The following FRMPD4 variants were observed in gnomAD, a reference collection of about 807,000 sequenced individuals.
FRMPD4 encodes FERM and PDZ domain-containing protein 4.
FRMPD4 carries 22 observed loss-of-function variants against 94.1 expected under a neutral mutation model. The ratio of observed to expected loss-of-function variants is 0.23; its 90% CI spans 0.17 to 0.33. The LOEUF (loss-of-function observed/expected upper bound fraction) is 0.33. Ranked by LOEUF, FRMPD4 falls within the 10% of genes least tolerant of loss-of-function variation. The pLI is 1.00. For missense variants in FRMPD4, 1,111 were observed against 1,339.9 expected (o/e 0.83, Z 2.67); for synonymous variants, 631 against 548.6 (o/e 1.15, Z -2.10).
intron 2 of FRMPD4, among the ~76,000 whole-genome samples, chrX:11,876,758 C>A (rs923581848): frequency 8.9e-6 from 1 of 112,368 alleles, no homozygotes; most frequent in Non-Finnish European, 1.9e-5. Flanking sequence ...GTTTACCTAC[C>A]ATTTGTCTTT....
chrX:12,007,099 GGGCCCA>G (rs2054557800), intron 3 of FRMPD4, among the ~76,000 whole-genome samples: 1 of 111,582 alleles, frequency 9.0e-6, no homozygotes, highest in African/African-American at 3.3e-5. Context: ...GTCAGTTTCT[GGGCCCA>G]GACCTCAAGA....
At chrX:12,049,558 G>A (rs2054805305) in intron 3 of FRMPD4, among the ~76,000 whole-genome samples, 1 of 111,366 alleles carries the variant, frequency 9.0e-6, no homozygotes, top group African/African-American at 3.3e-5. Context: ...TATGACGGTG[G>A]TCCTATAAGA....
At chrX:12,344,961 G>A (rs892959764) in intron 1 of FRMPD4, among the ~76,000 whole-genome samples, 1 of 112,344 alleles carries the variant, frequency 8.9e-6, no homozygotes, top group East Asian at 2.8e-4. Context: ...CTTTTTGTTT[G>A]TTTGTTCAAA....
At chrX:12,110,291 G>T (rs183392727) in intron 3 of FRMPD4, among the ~76,000 whole-genome samples, 125 of 112,075 alleles carry the variant, frequency 1.1e-3, no homozygotes, top group African/African-American at 3.9e-3. Context: ...ACTTAATCCA[G>T]CATATAAACA....
intron 1 of FRMPD4, among the ~76,000 whole-genome samples, chrX:12,360,968 A>AAC (rs1451277278): frequency 4.6e-5 from 5 of 109,624 alleles, no homozygotes; most frequent in Non-Finnish European, 7.6e-5. Context: ...AAAAAAAAAA[A>AAC]AAAAAACGGT....
At chrX:12,231,030 G>GTATATATATATAT (rs2056994149) in intron 1 of FRMPD4, among the ~76,000 whole-genome samples, 5 of 26,387 alleles carry the variant, frequency 1.9e-4, no homozygotes, top group Middle Eastern at 0.019. Flanking sequence ...TATATATATA[G>GTATATATATATAT]TATATATATA....
At chrX:12,273,100 T>G (rs1207929875) in intron 1 of FRMPD4, among the ~76,000 whole-genome samples, 2 of 108,918 alleles carry the variant, frequency 1.8e-5, no homozygotes, top group African/African-American at 3.3e-5. Context: ...GAAAAAAAAA[T>G]AACTGTCACT....
At chrX:12,241,973 G>C (rs2053883340) in intron 1 of FRMPD4, among the ~76,000 whole-genome samples, 1 of 102,941 alleles carries the variant, frequency 9.7e-6, no homozygotes, top group South Asian at 4.4e-4. Flanking sequence ...GGAGGAGGAA[G>C]AGGAAGAGGA....
chrX:12,413,747 G>C (rs2056764650), intron 1 of FRMPD4, among the ~76,000 whole-genome samples: 2 of 112,133 alleles, frequency 1.8e-5, no homozygotes, highest in African/African-American at 6.5e-5. Flanking sequence ...CTGGAACATT[G>C]TGGGGCAGCC....
At chrX:11,927,120 C>A (rs1275529812) in intron 3 of FRMPD4, among the ~76,000 whole-genome samples, 1 of 109,043 alleles carries the variant, frequency 9.2e-6, no homozygotes, top group African/African-American at 3.3e-5. Flanking sequence ...CAAGCCAAAT[C>A]AGGAACATAG....
At chrX:12,417,388 G>A (rs1301059554) in intron 1 of FRMPD4, among the ~76,000 whole-genome samples, 1 of 109,029 alleles carries the variant, frequency 9.2e-6, no homozygotes, top group Non-Finnish European at 1.9e-5. Flanking sequence ...AGACCAGCCT[G>A]GCCAACATGG....
intron 3 of FRMPD4, among the ~76,000 whole-genome samples, chrX:12,010,166 C>A (rs2054574106): frequency 9.0e-6 from 1 of 111,514 alleles, no homozygotes; most frequent in South Asian, 3.8e-4. Context: ...GTTGTGTGAC[C>A]ATAGGCAAGT....
At chrX:11,899,565 G>A (rs1047554969) in intron 3 of FRMPD4, among the ~76,000 whole-genome samples, 2 of 111,290 alleles carry the variant, frequency 1.8e-5, no homozygotes, top group East Asian at 5.6e-4. Flanking sequence ...TAGACGCTGA[G>A]TCCCCAATAA....
chrX:12,056,207 A>G (rs759232581), intron 3 of FRMPD4, among the ~76,000 whole-genome samples: 27 of 112,218 alleles, frequency 2.4e-4, no homozygotes, highest in Non-Finnish European at 3.6e-4. Context: ...AAAAATCAGA[A>G]TAGGAGAAAA....
At chrX:12,471,101 A>G (rs1014819157) in intron 1 of FRMPD4, among the ~76,000 whole-genome samples, 4 of 112,448 alleles carry the variant, frequency 3.6e-5, no homozygotes, top group African/African-American at 1.3e-4. Flanking sequence ...CCCAATGGAC[A>G]GCATTCAAAT....
At chrX:11,882,658 A>C (rs918096278) in intron 3 of FRMPD4, among the ~76,000 whole-genome samples, 2 of 112,055 alleles carry the variant, frequency 1.8e-5, no homozygotes, top group Non-Finnish European at 3.8e-5. Context: ...AACATAAATG[A>C]ATTTCATGTT....
At chrX:11,965,563 C>G (rs1425382627) in intron 3 of FRMPD4, among the ~76,000 whole-genome samples, 1 of 111,942 alleles carries the variant, frequency 8.9e-6, no homozygotes, top group East Asian at 2.8e-4. Context: ...ACATGTTCTT[C>G]TCATTGTCTG....
At chrX:12,021,718 A>G (rs902083737) in intron 3 of FRMPD4, among the ~76,000 whole-genome samples, 5 of 111,808 alleles carry the variant, frequency 4.5e-5, no homozygotes, top group Non-Finnish European at 9.4e-5. Flanking sequence ...ATTTATGCAC[A>G]GCTAGTTCCT....
rs1467208104 is a variant in FRMPD4 at position 11,856,392 on chromosome X, T to G, written c.-160-8694T>G. Among the ~76,000 whole-genome samples, 3 of 112,140 alleles carry G rather than the reference T, an allele frequency of 2.7e-5. No homozygotes were observed. The East Asian group carries it at 8.3e-4, about 31-fold the overall frequency. On this transcript the variant is annotated intron_variant, in intron 1 of 18. Coordinates refer to the FRMPD4 transcript ENST00000640291. ...AGGCTTCATTCCCGGGATGCAAGGTTGGTTCAACATATGCAAATCAAAAAT... is the reference window on the plus strand; with the variant it reads ...AGGCTTCATTCCCGGGATGCAAGGTGGGTTCAACATATGCAAATCAAAAAT...
Sources: allele counts gnomAD v4.1 joint callset (sites outside exome capture counted in the v4.1 genomes callset), GRCh38; gene constraint gnomAD v4.1.1; transcripts MANE v1.5; gene names NCBI Gene and HGNC (gene_info 2026-07-23, HGNC 2026-07-21).